WASF3: variants seen among roughly 807,000 people sequenced by gnomAD.
The protein encoded by WASF3 is actin-binding protein WASF3.
WASF3 carries 11 observed loss-of-function variants against 46.6 expected under a neutral mutation model. That is an observed-to-expected ratio of 0.24 (90% CI 0.15 to 0.39). The LOEUF (loss-of-function observed/expected upper bound fraction) is 0.39, where lower values mean the gene tolerates loss of function less well. Among genes scored for constraint, WASF3 ranks in the 10% least tolerant of loss-of-function variants. The pLI is 1.00. For synonymous variants in WASF3, 242 were observed against 259.7 expected (o/e 0.93, Z 0.65); for missense variants, 576 against 669.8 (o/e 0.86, Z 1.55).
Position 26,682,492 on chromosome 13 carries a change from G to A in WASF3, c.984-115G>A. ...ATGTTTGCATCCTGCCATGATTGAA[G>A]TTCAGGTGACAATACGTGTTGTGTC... On this transcript the variant is annotated intron_variant, in intron 8 of 9. Transcript: ENST00000335327. This position sits in a 1 kb window ranked among gnomAD's most constrained non-coding sequence, Gnocchi z 4.4. 1 of 1,258,808 alleles carries A rather than the reference G, an allele frequency of 7.9e-7. No homozygotes were observed. The highest frequency in any genetic ancestry group is 1.3e-5 in the South Asian group (1 of 77,210). The allele number at this position is 1,258,808 out of a possible 1,614,324, so 78.0% of individuals were successfully genotyped here.
intron 1 of WASF3, among the ~76,000 whole-genome samples, chr13:26,561,786 G>A (rs1879303199): frequency 6.6e-6 from 1 of 152,130 alleles, no homozygotes; most frequent in South Asian, 2.1e-4. Flanking sequence ...CCTCATGTTT[G>A]TAAAGAAGGA....
intron 1 of WASF3, among the ~76,000 whole-genome samples, chr13:26,586,994 T>C (rs144928409): frequency 0.02 from 3,078 of 150,598 alleles, 109 homozygotes; most frequent in African/African-American, 0.071. Context: ...TCCTGGCTAC[T>C]TGGGAGGTTG....
At chr13:26,619,718 A>T (rs544160145) in intron 2 of WASF3, among the ~76,000 whole-genome samples, 2 of 152,242 alleles carry the variant, frequency 1.3e-5, no homozygotes, top group Non-Finnish European at 2.9e-5. Flanking sequence ...AAAATCTGAT[A>T]TAAAAGGAAC....
upstream of WASF3, among the ~76,000 whole-genome samples, chr13:26,555,895 T>G (rs2137128417): frequency 6.6e-6 from 1 of 152,328 alleles, no homozygotes; most frequent in South Asian, 2.1e-4. Context: ...TTATTAGCGG[T>G]GGGCTCTAAT....
At chr13:26,586,637 C>T (rs1880135364) in intron 1 of WASF3, among the ~76,000 whole-genome samples, 1 of 152,112 alleles carries the variant, frequency 6.6e-6, no homozygotes, top group South Asian at 2.1e-4. Context: ...GTAAGCTTGT[C>T]TAGTTCCTAA....
chr13:26,655,916 A>G (rs574534218), intron 3 of WASF3, among the ~76,000 whole-genome samples: 5 of 152,290 alleles, frequency 3.3e-5, no homozygotes, highest in African/African-American at 1.2e-4. Flanking sequence ...CTAGCACAGC[A>G]ATACATTCTA....
the WASF3 span, among the ~76,000 whole-genome samples, chr13:26,542,899 G>C: frequency 6.6e-6 from 1 of 152,172 alleles, no homozygotes; most frequent in Admixed American, 6.5e-5. Flanking sequence ...TTTTCGAAAG[G>C]CAATGAATGG....
At chr13:26,601,606 G>C (rs1880645126) in intron 1 of WASF3, among the ~76,000 whole-genome samples, 1 of 152,194 alleles carries the variant, frequency 6.6e-6, no homozygotes, top group Non-Finnish European at 1.5e-5. Flanking sequence ...CTCTACAAGA[G>C]CAAATGAAGC....
intron 1 of WASF3, among the ~76,000 whole-genome samples, chr13:26,561,006 A>G (rs1335354106): frequency 6.6e-6 from 1 of 152,178 alleles, no homozygotes; most frequent in African/African-American, 2.4e-5. Flanking sequence ...GAGGGTGTAC[A>G]GAGAGATGGT....
rs1329337378 is a variant in WASF3 at position 26,667,574 on chromosome 13, A to G, written c.326A>G (p.Gln109Arg). 1 of 1,614,208 alleles carries G rather than the reference A, an allele frequency of 6.2e-7. No homozygotes were observed. Among genetic ancestry groups the G allele is most frequent in the Admixed American group, 1.7e-5 (1 of 60,030 alleles). Residue 109 changes from glutamine (Q) to arginine (R), a missense_variant, in exon 5 of 10, where the codon CAG (glutamine) becomes CGG (arginine). Around this residue, in one of 3 missense-constraint regions of WASF3, gnomAD observed 213 missense variants for 278.0 expected, o/e 0.77. Coordinates refer to ENST00000335327, the MANE Select transcript of WASF3 (RefSeq NM_006646.6). ...TTCAAAAGTTCCACAGTCCAAGACC[A>G]GCAAGTGGTTTCAAAGAACAGCATT... ...KAFKSSTVQD[Q>R]QVVSKNSIPN...
intron 9 of WASF3, among the ~76,000 whole-genome samples, chr13:26,684,921 A>T (rs1237251518): frequency 6.6e-6 from 1 of 152,152 alleles, no homozygotes; most frequent in African/African-American, 2.4e-5. Context: ...TATCTCTACA[A>T]AAAAGAAAAT....
At chr13:26,657,212 G>C (rs1280640747) in intron 3 of WASF3, among the ~76,000 whole-genome samples, 1 of 152,246 alleles carries the variant, frequency 6.6e-6, no homozygotes, top group African/African-American at 2.4e-5. Context: ...AGGACTGAGA[G>C]CAGCCCTCTG....
intron 3 of WASF3, among the ~76,000 whole-genome samples, chr13:26,654,889 G>C (rs1300187843): frequency 6.6e-6 from 1 of 152,044 alleles, no homozygotes; most frequent in African/African-American, 2.4e-5. Flanking sequence ...GTTTAAAAAA[G>C]AGGAAAAAAC....
At chr13:26,563,799 T>C (rs2137141840) in intron 1 of WASF3, among the ~76,000 whole-genome samples, 1 of 152,112 alleles carries the variant, frequency 6.6e-6, no homozygotes, top group African/African-American at 2.4e-5. Context: ...GACTTTTTTT[T>C]TTTTTAAATT....
chr13:26,616,887 T>C (rs1236152346), intron 2 of WASF3, among the ~76,000 whole-genome samples: 1 of 152,152 alleles, frequency 6.6e-6, no homozygotes, highest in African/African-American at 2.4e-5. Flanking sequence ...TCACCTGAAG[T>C]ACTACAAGGT....
chr13:26,653,161 TG>T (rs1296865143), intron 3 of WASF3, among the ~76,000 whole-genome samples: 1 of 152,208 alleles, frequency 6.6e-6, no homozygotes, highest in African/African-American at 2.4e-5. Context: ...GGGCTGTTCA[TG>T]CTCCTATCCA....
In WASF3 at chr13:26,687,805, C is replaced by G. The variant is rs368701280; in HGVS notation, c.*1960C>G. 2.0e-5 allele frequency: 3 copies of G among 148,626 alleles called. No homozygotes were observed. The highest frequency in any genetic ancestry group is 4.0e-4 in the East Asian group (2 of 5,044). The allele number at this position is 148,626 out of a possible 1,614,324, so 9.2% of individuals were successfully genotyped here. On this transcript the variant is annotated 3_prime_UTR_variant, in exon 10 of 10. Coordinates refer to ENST00000335327, the MANE Select transcript of WASF3 (RefSeq NM_006646.6). ...GACTTCTGCAACTTTTAAAGTCTTA[C>G]TTGTCTTTCTTGTTGCTTTTGTATT...
At chr13:26,570,923 G>A (rs1879614461) in intron 1 of WASF3, among the ~76,000 whole-genome samples, 1 of 152,174 alleles carries the variant, frequency 6.6e-6, no homozygotes, top group African/African-American at 2.4e-5. Flanking sequence ...TCTGAGCAGT[G>A]TGTGAGTGCC....
intron 3 of WASF3, among the ~76,000 whole-genome samples, chr13:26,659,881 C>A (rs939393518): frequency 7.9e-5 from 12 of 152,056 alleles, no homozygotes; most frequent in Non-Finnish European, 1.6e-4. Flanking sequence ...ATTAGGACTC[C>A]ATTCAGGGCA....
Sources: gnomAD v4.1 joint callset for allele counts (sites outside exome capture counted in the v4.1 genomes callset) on GRCh38, gnomAD v4.1.1 for gene constraint, gnomAD v4.1.1 regional missense constraint, Gnocchi (gnomAD v3.1) non-coding constraint, MANE v1.5 for transcripts, NCBI Gene and HGNC (gene_info 2026-07-23, HGNC 2026-07-21) for gene names.